The following PLXNA4 variants were observed in gnomAD, a reference collection of about 807,000 sequenced individuals.
PLXNA4 encodes plexin A4, also known as plexin-A4.
PLXNA4 carries 44 observed loss-of-function variants against 191.8 expected under a neutral mutation model. That is an observed-to-expected ratio of 0.23 (90% CI 0.18 to 0.29). The LOEUF (loss-of-function observed/expected upper bound fraction) is 0.29, where lower values mean the gene tolerates loss of function less well. Among genes scored for constraint, PLXNA4 ranks in the 10% least tolerant of loss-of-function variants. PLXNA4 has a pLI of 1.00. For synonymous variants in PLXNA4, 1,082 were observed against 1,009.5 expected, an observed-to-expected ratio of 1.07 and a Z score of -1.36; for missense variants, 1,800 against 2,488.8, an observed-to-expected ratio of 0.72 and a Z score of 5.89.
chr7:132,468,740 A>G (rs1326996760), intron 3 of PLXNA4, among the ~76,000 whole-genome samples: 2 of 124,888 alleles, frequency 1.6e-5, no homozygotes, highest in African/African-American at 3.6e-5. Flanking sequence ...ACACGCACAC[A>G]CACACACACA....
intron 1 of PLXNA4, among the ~76,000 whole-genome samples, chr7:132,528,973 A>G (rs73158881): frequency 0.11 from 16,557 of 152,290 alleles, 1,178 homozygotes; most frequent in Non-Finnish European, 0.14. Flanking sequence ...CATGAAGACT[A>G]TGAAGGGTGT....
chr7:132,327,533 C>A (rs923474417), intron 3 of PLXNA4, among the ~76,000 whole-genome samples: 10 of 152,036 alleles, frequency 6.6e-5, no homozygotes, highest in Non-Finnish European at 1.2e-4. Context: ...AACTTGTCTG[C>A]CTGGAAAGCT....
chr7:132,625,394 T>A (rs1190294232), intron 2 of PLXNA4, among the ~76,000 whole-genome samples: 2 of 152,240 alleles, frequency 1.3e-5, no homozygotes, highest in African/African-American at 4.8e-5. Flanking sequence ...ATACACATTA[T>A]GTGAGTTCAT....
chr7:132,494,325 C>T (rs1169843670), intron 2 of PLXNA4, among the ~76,000 whole-genome samples: 1 of 152,206 alleles, frequency 6.6e-6, no homozygotes, highest in Non-Finnish European at 1.5e-5. Context: ...AATTCTTGAG[C>T]TCCACCCCAG....
At chr7:132,431,975 A>C (rs1012715088) in intron 3 of PLXNA4, among the ~76,000 whole-genome samples, 8 of 152,152 alleles carry the variant, frequency 5.3e-5, no homozygotes, top group African/African-American at 1.9e-4. Context: ...AAGTGGTTTT[A>C]ACCAGGCTCA....
At chr7:132,179,996 G>T in intron 19 of PLXNA4, 75 bp from the exon 20 acceptor site, 1 of 1,502,482 alleles carries the variant, frequency 6.7e-7, no homozygotes, top group Non-Finnish European at 8.9e-7. Context: ...AGTTACCCAT[G>T]AACTAGTGAC....
At chr7:132,220,975 G>A (rs1322613238) in intron 9 of PLXNA4, among the ~76,000 whole-genome samples, 2 of 151,450 alleles carry the variant, frequency 1.3e-5, no homozygotes, top group Non-Finnish European at 2.9e-5. Context: ...GCCATGCCCA[G>A]CTTACTTACT....
chr7:132,298,980 T>A (rs1203831980), intron 3 of PLXNA4, among the ~76,000 whole-genome samples: 1 of 152,236 alleles, frequency 6.6e-6, no homozygotes. Context: ...TCTGCCCACA[T>A]GCCCCATGAA....
intron 1 of PLXNA4, among the ~76,000 whole-genome samples, chr7:132,646,585 T>C (rs1803874481): frequency 6.6e-6 from 1 of 152,098 alleles, no homozygotes; most frequent in Admixed American, 6.5e-5. Context: ...ATGGTGGCCA[T>C]GTGCAAGCCA....
At chr7:132,627,896 G>A (rs1393612432) in intron 2 of PLXNA4, among the ~76,000 whole-genome samples, 1 of 152,184 alleles carries the variant, frequency 6.6e-6, no homozygotes, top group Non-Finnish European at 1.5e-5. Flanking sequence ...ATAGCAACAA[G>A]AATGGACTCA....
intron 2 of PLXNA4, among the ~76,000 whole-genome samples, chr7:132,606,143 G>C (rs187241799): frequency 2.0e-5 from 3 of 152,276 alleles, no homozygotes; most frequent in Non-Finnish European, 4.4e-5. Flanking sequence ...CAGCCTAGGC[G>C]ACACAGCAAG....
At chr7:132,189,461 G>T (rs1040365962) in intron 14 of PLXNA4, among the ~76,000 whole-genome samples, 1 of 152,108 alleles carries the variant, frequency 6.6e-6, no homozygotes, top group African/African-American at 2.4e-5. Context: ...GACAGCCCAG[G>T]GTGTTAATCT....
chr7:132,229,333 T>C (rs2116986909), intron 5 of PLXNA4, among the ~76,000 whole-genome samples: 1 of 152,318 alleles, frequency 6.6e-6, no homozygotes, highest in African/African-American at 2.4e-5. Context: ...CAGTCCTAGC[T>C]GATGAAGGTT....
In PLXNA4 at chr7:132,507,772, G is replaced by A. The variant is rs564051494; in HGVS notation, c.922C>T (p.Arg308Cys). ...IGCERSGVEY[R>C]LLQAAYLSKA... ...GACAGGTAGGCAGCCTGCAGCAGGC[G>A]GTACTCCACCCCACTGCGCTCACAG... Residue 308 changes from arginine to cysteine, a missense_variant, in exon 2 of 32, where the codon CGC becomes TGC. Coordinates refer to ENST00000321063, the MANE Select transcript of PLXNA4 (RefSeq NM_020911.2). 5.0e-5 allele frequency: 80 copies of A among 1,614,068 alleles called. No homozygotes were observed. The highest frequency in any genetic ancestry group is 1.2e-4 in the South Asian group (11 of 91,076).
intron 3 of PLXNA4, among the ~76,000 whole-genome samples, chr7:132,432,644 T>C (rs1004649147): frequency 4.6e-5 from 7 of 152,016 alleles, no homozygotes; most frequent in African/African-American, 1.5e-4. Context: ...ACTGAGGGAA[T>C]GGGTAAGAAG....
chr7:132,564,190 T>C (rs1585355687), intron 1 of PLXNA4, among the ~76,000 whole-genome samples: 7 of 97,562 alleles, frequency 7.2e-5, no homozygotes, highest in South Asian at 8.9e-4. Context: ...GCCCCTCCTC[T>C]CCCTCCTCTT....
chr7:132,263,381 C>T (rs1157808971), intron 4 of PLXNA4, among the ~76,000 whole-genome samples: 2 of 152,212 alleles, frequency 1.3e-5, no homozygotes, highest in Non-Finnish European at 2.9e-5. Context: ...GCCAGCAGCC[C>T]CGTGGCACCC....
At chr7:132,511,971 T>A (rs1798730364) in intron 1 of PLXNA4, among the ~76,000 whole-genome samples, 1 of 152,188 alleles carries the variant, frequency 6.6e-6, no homozygotes, top group Non-Finnish European at 1.5e-5. Context: ...ACACTGTCCA[T>A]CCCATGCTCT....
intron 2 of PLXNA4, among the ~76,000 whole-genome samples, chr7:132,593,418 C>T (rs1051030776): frequency 6.6e-6 from 1 of 152,200 alleles, no homozygotes; most frequent in African/African-American, 2.4e-5. Flanking sequence ...CCCAGGTAAG[C>T]AGTGACACCC....
Sources: allele counts gnomAD v4.1 joint callset (sites outside exome capture counted in the v4.1 genomes callset), GRCh38; gene constraint gnomAD v4.1.1; transcripts MANE v1.5; gene names NCBI Gene and HGNC (gene_info 2026-07-23, HGNC 2026-07-21).